Variants in GNAZ observed in about 807,000 individuals in gnomAD.
GNAZ encodes G protein subunit alpha z.
A neutral mutation model predicts 25.4 loss-of-function variants in GNAZ; 3 were observed. That is an observed-to-expected ratio of 0.12 (90% confidence interval 0.05 to 0.30). GNAZ has a LOEUF of 0.30. Among genes scored for constraint, GNAZ ranks in the 10% least tolerant of loss-of-function variants. GNAZ has a pLI of 1.00. For missense variants in GNAZ, 241 were observed against 501.8 expected (o/e 0.48, Z 4.97); for synonymous variants, 211 against 205.7 (o/e 1.03, Z -0.22).
At position 23,095,414 on chromosome 22, in the gene GNAZ, G is replaced by A. The variant is rs1372779095; in HGVS notation, c.-282G>A. 1 of 440,096 alleles carries A rather than the reference G, an allele frequency of 2.3e-6. No individual in the cohort carries two copies. 27.3% of individuals were successfully genotyped at this position (440,096 alleles called of 1,614,324 possible). On this transcript the variant is annotated 5_prime_UTR_variant, in exon 2 of 3. Transcript: ENST00000615612. The stretch of plus-strand genomic sequence containing the variant: ...GCGGACGGCTTCCCACCGTCGCCGA[G>A]GACAGGGAATGACTACGGCAAATCA...
intron 2 of GNAZ, among the ~76,000 whole-genome samples, chr22:23,097,802 G>T (rs890050595): frequency 6.6e-6 from 1 of 152,258 alleles, no homozygotes; most frequent in African/African-American, 2.4e-5. Flanking sequence ...AAAGTGAGGT[G>T]CTCAGGCCAG....
intron 2 of GNAZ, among the ~76,000 whole-genome samples, chr22:23,101,240 T>A (rs2069295323): frequency 6.6e-6 from 1 of 151,488 alleles, no homozygotes; most frequent in South Asian, 2.1e-4. Flanking sequence ...TTCCTTCACA[T>A]ACCGCAGGGC....
intron 2 of GNAZ, among the ~76,000 whole-genome samples, chr22:23,097,621 T>G (rs2069165847): frequency 6.6e-6 from 1 of 152,230 alleles, no homozygotes. Flanking sequence ...CTGTTCCCAG[T>G]GTGTATCTGT....
At chr22:23,080,094 T>A (rs1352109570) in intron 1 of GNAZ, among the ~76,000 whole-genome samples, 1 of 152,172 alleles carries the variant, frequency 6.6e-6, no homozygotes, top group Non-Finnish European at 1.5e-5. Flanking sequence ...CCTCTTTGAT[T>A]TGGCTCTTAA....
intron 1 of GNAZ, among the ~76,000 whole-genome samples, chr22:23,081,686 G>A (rs1228244331): frequency 6.6e-6 from 1 of 152,070 alleles, no homozygotes; most frequent in Non-Finnish European, 1.5e-5. Context: ...GCCAGCCATG[G>A]TGGTGGACAC....
chr22:23,119,200 G>A (rs952155688), intron 2 of GNAZ, among the ~76,000 whole-genome samples: 4 of 152,352 alleles, frequency 2.6e-5, no homozygotes, highest in South Asian at 2.1e-4. Context: ...TGCAGGCACC[G>A]CTGTGACACA....
In GNAZ at chr22:23,096,476, C is replaced by A. The variant is rs554311232; in HGVS notation, c.723+58C>A. 1.4e-5 allele frequency: 22 copies of A among 1,532,330 alleles called. No homozygotes were observed. In the East Asian group the frequency reaches 4.3e-4, roughly 30 times the overall value. 94.9% of individuals were successfully genotyped at this position (1,532,330 alleles called of 1,614,324 possible). A position where few individuals can be genotyped will look rare whatever the true frequency, so the allele number is the denominator to read the frequency against. On this transcript the variant is annotated intron_variant, in intron 2 of 2. Coordinates refer to ENST00000615612, the MANE Select transcript of GNAZ (RefSeq NM_002073.4). Reference sequence around the variant, plus strand: ...TCCTGCTGTCGTGGGTTCCTGGAAGCAAGAGGACTCGTGAGGTCCAGGACA... The same window carrying A: ...TCCTGCTGTCGTGGGTTCCTGGAAGAAAGAGGACTCGTGAGGTCCAGGACA...
intron 2 of GNAZ, among the ~76,000 whole-genome samples, chr22:23,101,957 G>A (rs527550706): frequency 6.6e-6 from 1 of 152,200 alleles, no homozygotes; most frequent in Non-Finnish European, 1.5e-5. Flanking sequence ...TCTAAGCTTG[G>A]CCTGGCTTCC....
chr22:23,072,475 C>T (rs949062968), intron 1 of GNAZ, among the ~76,000 whole-genome samples: 3 of 152,214 alleles, frequency 2.0e-5, no homozygotes, highest in Non-Finnish European at 2.9e-5. Flanking sequence ...TTCTCCCCCT[C>T]GGAAATTGGT....
In GNAZ at chr22:23,089,667, G is replaced by A. The variant is rs779631213; in HGVS notation, c.-449-5580G>A. On this transcript the variant is annotated intron_variant, in intron 1 of 2. Transcript: ENST00000615612. ...GGAAGGAGGGTGATGAGGGCAGGCC[G>A]GGCCTGCTGGACGGTGGGTGAGAAG... Among the ~76,000 whole-genome samples the A allele has an allele frequency of 7.9e-5, 12 of 152,186 alleles. No individual in the cohort carries two copies. In the East Asian group the frequency reaches 1.2e-3, roughly 15 times the overall value.
intron 2 of GNAZ, among the ~76,000 whole-genome samples, chr22:23,096,697 T>G (rs2069136136): frequency 6.6e-6 from 1 of 152,208 alleles, no homozygotes; most frequent in Non-Finnish European, 1.5e-5. Flanking sequence ...TCAATCCATG[T>G]GATAGTTTGG....
chr22:23,083,569 G>T (rs1412284395), intron 1 of GNAZ, among the ~76,000 whole-genome samples: 3 of 152,152 alleles, frequency 2.0e-5, no homozygotes, highest in South Asian at 2.1e-4. Context: ...GCTGGTGCTT[G>T]GGGGAGGGAG....
intron 2 of GNAZ, among the ~76,000 whole-genome samples, chr22:23,106,444 C>T (rs566673605): frequency 6.6e-6 from 1 of 151,770 alleles, no homozygotes; most frequent in African/African-American, 2.4e-5. Flanking sequence ...GTCTCCATCT[C>T]ACACTGGGCC....
chr22:23,091,373 C>T (rs1237759001), intron 1 of GNAZ, among the ~76,000 whole-genome samples: 1 of 152,052 alleles, frequency 6.6e-6, no homozygotes, highest in Non-Finnish European at 1.5e-5. Context: ...CGCACACATA[C>T]CACAATGGAC....
intron 1 of GNAZ, among the ~76,000 whole-genome samples, chr22:23,079,488 A>G (rs2068612425): frequency 6.6e-6 from 1 of 152,182 alleles, no homozygotes; most frequent in Non-Finnish European, 1.5e-5. Flanking sequence ...CGTGGGAGTC[A>G]GAGAGGCCAG....
At chr22:23,074,084 T>C (rs956979016) in intron 1 of GNAZ, among the ~76,000 whole-genome samples, 1 of 151,378 alleles carries the variant, frequency 6.6e-6, no homozygotes, top group East Asian at 1.9e-4. Context: ...GGAGTGTGGG[T>C]GGGGTGTCAG....
chr22:23,075,233 T>C (rs1601748405), intron 1 of GNAZ, among the ~76,000 whole-genome samples: 1 of 152,084 alleles, frequency 6.6e-6, no homozygotes, highest in African/African-American at 2.4e-5. Flanking sequence ...GGCGGGTGGG[T>C]TGCGTTGGAC....
At chr22:23,093,479 G>A (rs1391188866) in intron 1 of GNAZ, among the ~76,000 whole-genome samples, 1 of 152,212 alleles carries the variant, frequency 6.6e-6, no homozygotes, top group East Asian at 1.9e-4. Context: ...TAGGGGCGAC[G>A]GCAGCACACA....
chr22:23,123,864 G>A lies in GNAZ; in HGVS notation c.*433G>A, dbSNP rs895673038. On this transcript the variant is annotated 3_prime_UTR_variant, in exon 3 of 3. Coordinates refer to ENST00000615612, the MANE Select transcript of GNAZ (RefSeq NM_002073.4). The stretch of plus-strand genomic sequence containing the variant: ...CTGTCGCCTGGAGGAGGGCCAGCTC[G>A]CTGCCCGAGCTCTGGCCTAGGGACC... 8 of 220,152 alleles carry A rather than the reference G, an allele frequency of 3.6e-5. No individual in the cohort carries two copies. The highest frequency in any genetic ancestry group is 1.4e-4 in the African/African-American group (6 of 43,734). The allele number at this position is 220,152 out of a possible 1,614,324, so 13.6% of individuals were successfully genotyped here.
Sources: gnomAD v4.1 joint callset for allele counts (sites outside exome capture counted in the v4.1 genomes callset) on GRCh38, gnomAD v4.1.1 for gene constraint, MANE v1.5 for transcripts, NCBI Gene and HGNC (gene_info 2026-07-23, HGNC 2026-07-21) for gene names.